The following ATG7 variants were observed in gnomAD, a reference collection of about 807,000 sequenced individuals.
ATG7 encodes autophagy related 7.
A neutral mutation model predicts 82.4 loss-of-function variants in ATG7; 70 were observed. The ratio of observed to expected loss-of-function variants is 0.85; its 90% CI spans 0.70 to 1.04. The LOEUF is 1.04. Among genes scored for constraint, ATG7 ranks in the 50% least tolerant of loss-of-function variants. The pLI is 0.00. For synonymous variants in ATG7, 287 were observed against 313.0 expected (o/e 0.92, Z 0.88); for missense variants, 792 against 864.3 (o/e 0.92, Z 1.05).
At chr3:11,324,981 T>C (rs1229019334) in intron 9 of ATG7, among the ~76,000 whole-genome samples, 1 of 152,230 alleles carries the variant, frequency 6.6e-6, no homozygotes, top group Admixed American at 6.5e-5. Flanking sequence ...ATTATAATAC[T>C]GTATTTTTAC....
At chr3:11,561,694 G>T (rs1423197005), downstream of ATG7, among the ~76,000 whole-genome samples, 1 of 152,062 alleles carries the variant, frequency 6.6e-6, no homozygotes, top group East Asian at 1.9e-4. Context: ...TTCCAGATGG[G>T]GAAAATGAAG....
chr3:11,524,106 T>C (rs191807308), intron 20 of ATG7, among the ~76,000 whole-genome samples: 1 of 152,260 alleles, frequency 6.6e-6, no homozygotes, highest in African/African-American at 2.4e-5. Flanking sequence ...CAAAAGCAGC[T>C]TGAAATATTC....
chr3:11,375,827 G>A (rs947128864), intron 18 of ATG7, among the ~76,000 whole-genome samples: 1 of 152,188 alleles, frequency 6.6e-6, no homozygotes, highest in African/African-American at 2.4e-5. Flanking sequence ...CAAAGTGCTG[G>A]GATTCAGGCG....
intron 20 of ATG7, chr3:11,488,551 G>A (rs1042525431): frequency 1.8e-5 from 18 of 981,078 alleles, no homozygotes; most frequent in South Asian, 4.4e-5. Context: ...GCGCAGCGGC[G>A]CCAACCACCA....
chr3:11,309,196 G>C, intron 7 of ATG7, 135 bp downstream of exon 7: 1 of 893,392 alleles, frequency 1.1e-6, no homozygotes, highest in Non-Finnish European at 1.8e-6. Flanking sequence ...TTAACGAAAC[G>C]CTCATTTGAT....
intron 19 of ATG7, among the ~76,000 whole-genome samples, chr3:11,392,970 A>G (rs73138953): frequency 0.016 from 2,364 of 152,324 alleles, 70 homozygotes; most frequent in African/African-American, 0.054. Flanking sequence ...GGACTGGGAA[A>G]AGCCCCAACC....
intron 19 of ATG7, among the ~76,000 whole-genome samples, chr3:11,387,323 G>T (rs1272031237): frequency 1.3e-5 from 2 of 152,178 alleles, no homozygotes; most frequent in Non-Finnish European, 2.9e-5. Flanking sequence ...GGCCTTGCTT[G>T]TTACTTTTGA....
At position 11,423,862 on chromosome 3, in the gene ATG7, C is replaced by T. The variant is rs534306141; in HGVS notation, c.1957-2942C>T. Among the ~76,000 whole-genome samples, 4 of 152,284 alleles carry T rather than the reference C, an allele frequency of 2.6e-5. No homozygotes were observed. In the East Asian group the frequency reaches 5.8e-4, roughly 22 times the overall value. On this transcript the variant is annotated intron_variant, in intron 19 of 20. Coordinates refer to ENST00000693202, the MANE Select transcript of ATG7 (RefSeq NM_001349232.2). ...CTTTTGATCCTTATTCTGCCAGTCC[C>T]TTGGCTTAGATGGGTTCTTAATTTC... is the stretch of plus-strand genomic sequence containing the variant.
chr3:11,479,615 G>T (rs2088685812), intron 20 of ATG7, among the ~76,000 whole-genome samples: 1 of 151,596 alleles, frequency 6.6e-6, no homozygotes, highest in Admixed American at 6.6e-5. Flanking sequence ...TTTCTAAAAA[G>T]GAAAGGAAAA....
chr3:11,574,066 G>C, the ATG7 span, among the ~76,000 whole-genome samples: 1 of 152,176 alleles, frequency 6.6e-6, no homozygotes. Context: ...GCTCCCCACA[G>C]CCCTCAGAAG....
At chr3:11,512,067 G>T (rs1017330736) in intron 20 of ATG7, among the ~76,000 whole-genome samples, 1 of 152,214 alleles carries the variant, frequency 6.6e-6, no homozygotes. Flanking sequence ...GGGCTGAAGG[G>T]CTCCTCAAAT....
In ATG7 at chr3:11,497,357, C is replaced by CTATATATATATATATATATA. The variant is rs58838386; in HGVS notation, c.2080-57438_2080-57419dup. ...TGAAACCCCGTCTGTACTAAAAATA[C>CTATATATATATATATATATA]TATATATATATATATATATATATAT... On this transcript the variant is annotated intron_variant, in intron 20 of 20. Coordinates refer to ENST00000693202, the MANE Select transcript of ATG7 (RefSeq NM_001349232.2). 2.9e-3 allele frequency among the ~76,000 whole-genome samples: 168 copies of CTATATATATATATATATATA among 57,296 alleles called. 4 individuals carry two copies. Among genetic ancestry groups the CTATATATATATATATATATA allele is most frequent in the Non-Finnish European group, 4.1e-3 (132 of 32,240 alleles). 37.6% of individuals were successfully genotyped at this position (57,296 alleles called of 152,430 possible).
intron 20 of ATG7, among the ~76,000 whole-genome samples, chr3:11,552,549 G>T (rs2071904598): frequency 6.6e-6 from 1 of 152,150 alleles, no homozygotes; most frequent in African/African-American, 2.4e-5. Context: ...GTTATTTCTT[G>T]AGGTTTCAAA....
At chr3:11,420,351 T>C (rs898920189) in intron 19 of ATG7, among the ~76,000 whole-genome samples, 5 of 152,204 alleles carry the variant, frequency 3.3e-5, no homozygotes, top group African/African-American at 1.2e-4. Context: ...GAGGCCTTTT[T>C]TTGTTTTTTT....
At chr3:11,306,338 G>A (rs1947729980) in intron 5 of ATG7, among the ~76,000 whole-genome samples, 1 of 152,154 alleles carries the variant, frequency 6.6e-6, no homozygotes, top group Admixed American at 6.5e-5. Flanking sequence ...CAGCTGGGTG[G>A]GTATGACTGT....
rs368584886 is a variant in ATG7 at position 11,466,662 on chromosome 3, C to T, written c.2079+39736C>T. On this transcript the variant is annotated intron_variant, in intron 20 of 20. Coordinates refer to ENST00000693202, the MANE Select transcript of ATG7 (RefSeq NM_001349232.2). The stretch of plus-strand genomic sequence containing the variant: ...GCCTTTGTGCTCTTACTGCTCTTTT[C>T]GGAAAAAGCAGTTCTCAGAGGGTTG... Among the ~76,000 whole-genome samples the T allele has an allele frequency of 3.3e-5, 5 of 152,236 alleles. No individual in the cohort carries two copies. The South Asian group carries it at 6.2e-4, about 19-fold the overall frequency.
chr3:11,305,270 C>T (rs1408976323), intron 5 of ATG7, among the ~76,000 whole-genome samples: 1 of 152,202 alleles, frequency 6.6e-6, no homozygotes, highest in Non-Finnish European at 1.5e-5. Context: ...TTCCGATTGT[C>T]CTGGCTAATT....
chr3:11,560,092 C>T (rs1055722737), downstream of ATG7, among the ~76,000 whole-genome samples: 9 of 152,080 alleles, frequency 5.9e-5, no homozygotes, highest in Non-Finnish European at 1.2e-4. Flanking sequence ...GCAAACTCCC[C>T]TTGTTCCTTC....
intron 18 of ATG7, 54 bp from the exon 19 acceptor site, chr3:11,379,918 T>C: frequency 1.3e-6 from 2 of 1,549,864 alleles, no homozygotes; most frequent in Non-Finnish European, 1.8e-6. Flanking sequence ...GTGCATTTCA[T>C]AGATGTGGTC....
Sources: allele counts gnomAD v4.1 joint callset (sites outside exome capture counted in the v4.1 genomes callset), GRCh38; gene constraint gnomAD v4.1.1; transcripts MANE v1.5; gene names NCBI Gene and HGNC (gene_info 2026-07-23, HGNC 2026-07-21).